The following STARD9 variants were observed in gnomAD, a reference collection of about 807,000 sequenced individuals.
STARD9 encodes stAR-related lipid transfer protein 9.
A neutral mutation model predicts 399.8 loss-of-function variants in STARD9; 346 were observed. That is an observed-to-expected ratio of 0.87 (90% CI 0.79 to 0.95). The LOEUF is 0.95. Ranked by LOEUF, STARD9 falls within the 40% of genes least tolerant of loss-of-function variation. The pLI is 0.00. For missense variants in STARD9, 5,832 were observed against 5,667.5 expected (o/e 1.03, Z -0.93); for synonymous variants, 2,203 against 2,143.5 (o/e 1.03, Z -0.77).
chr15:42,667,075 A>G (rs952344011), intron 15 of STARD9, among the ~76,000 whole-genome samples: 1 of 152,150 alleles, frequency 6.6e-6, no homozygotes, highest in African/African-American at 2.4e-5. Flanking sequence ...TTGGCCTCCC[A>G]AAGTGCTGGG....
At position 42,692,594 on chromosome 15, in the gene STARD9, C is replaced by T. The variant is rs2060736125; in HGVS notation, c.11016C>T (p.Ala3672=). ...GTGCAGTATCAGCCTTTGATCTGGC[C>T]TCATGGACCAGCATGCACAATCTGT... The part of the protein sequence containing the change: ...EASAVSAFDL[A]SWTSMHNLSL... The change falls in exon 23 of 33, where the codon GCC becomes GCT. Residue 3672 remains alanine (A), a synonymous_variant. Transcript: ENST00000290607. 2 of 1,537,226 alleles carry T rather than the reference C, an allele frequency of 1.3e-6. No individual in the cohort carries two copies. Among genetic ancestry groups the T allele is most frequent in the Non-Finnish European group, 1.7e-6 (2 of 1,146,924 alleles).
At chr15:42,589,769 G>C (rs919719120) in intron 3 of STARD9, among the ~76,000 whole-genome samples, 1 of 151,148 alleles carries the variant, frequency 6.6e-6, no homozygotes, top group Non-Finnish European at 1.5e-5. Context: ...ACCATGCCCA[G>C]CTAATTTTTT....
At position 42,694,103 on chromosome 15, in the gene STARD9, A is replaced by G. The variant is rs935791735; in HGVS notation, c.12525A>G (p.Glu4175=). 2.6e-6 allele frequency: 4 copies of G among 1,536,902 alleles called. No homozygotes were observed. In the Admixed American group the frequency reaches 5.9e-5, roughly 23 times the overall value. The change falls in exon 23 of 33, where the codon GAA becomes GAG. Residue 4175 remains glutamate, a synonymous_variant. Coordinates refer to ENST00000290607, the MANE Select transcript of STARD9 (RefSeq NM_020759.3). ...ASGDLSSEKQ[E]QSPPQPPNDH... The stretch of plus-strand genomic sequence containing the variant: ...GTGATCTCAGCTCTGAAAAGCAGGA[A>G]CAGAGTCCCCCACAACCTCCTAATG...
intron 3 of STARD9, among the ~76,000 whole-genome samples, chr15:42,612,407 G>A (rs1316704897): frequency 6.6e-6 from 1 of 152,170 alleles, no homozygotes; most frequent in Non-Finnish European, 1.5e-5. Flanking sequence ...GGAAAGAAGT[G>A]ACATAAAACA....
intron 18 of STARD9, 108 bp downstream of exon 18, chr15:42,675,072 C>A: frequency 8.4e-7 from 1 of 1,186,734 alleles, no homozygotes; most frequent in Non-Finnish European, 1.1e-6. Context: ...GATCACCCAG[C>A]CTCTGCACCC....
Position 42,575,736 on chromosome 15 carries a change from C to T in STARD9, c.21C>T (p.Ala7=), listed in dbSNP as rs186465000. The T allele has an allele frequency of 4.9e-5, 76 of 1,536,636 alleles. No individual in the cohort carries two copies. The highest frequency in any genetic ancestry group is 6.4e-5 in the Non-Finnish European group (73 of 1,146,798). ...GACGGATGGCGAACGTGCAGGTCGC[C>T]GTGCGGGTCCGGCCGCTCAGCAAGA... MANVQV[A]VRVRPLSKRE... Residue 7 remains alanine, a synonymous_variant, in exon 1 of 33, where the codon GCC becomes GCT. Transcript: ENST00000290607.
intron 3 of STARD9, among the ~76,000 whole-genome samples, chr15:42,597,440 T>C (rs1050795290): frequency 6.6e-6 from 1 of 152,146 alleles, no homozygotes; most frequent in Non-Finnish European, 1.5e-5. Flanking sequence ...CGGTCTCAGC[T>C]CACTGCAACC....
At chr15:42,634,023 A>T (rs557010602) in intron 3 of STARD9, among the ~76,000 whole-genome samples, 2 of 151,988 alleles carry the variant, frequency 1.3e-5, no homozygotes, top group Non-Finnish European at 2.9e-5. Context: ...ATAGTAGAGC[A>T]TTGAGCTGTG....
At chr15:42,605,600 C>G (rs927206205) in intron 3 of STARD9, among the ~76,000 whole-genome samples, 1 of 152,322 alleles carries the variant, frequency 6.6e-6, no homozygotes, top group South Asian at 2.1e-4. Context: ...TCTTGCTTCT[C>G]TTCCTAGAAG....
At chr15:42,713,171 CGTAA>C (rs1385512574) in intron 26 of STARD9, among the ~76,000 whole-genome samples, 5 of 152,044 alleles carry the variant, frequency 3.3e-5, no homozygotes, top group Admixed American at 2.0e-4. Context: ...TAAACTTATT[CGTAA>C]GTATTTTATT....
intron 26 of STARD9, among the ~76,000 whole-genome samples, chr15:42,702,577 T>C (rs555742898): frequency 6.6e-6 from 1 of 152,358 alleles, no homozygotes; most frequent in South Asian, 2.1e-4. Flanking sequence ...ATCACAGTTA[T>C]AATATTAGAG....
intron 7 of STARD9, among the ~76,000 whole-genome samples, chr15:42,642,197 A>G (rs556597421): frequency 3.3e-5 from 5 of 152,348 alleles, no homozygotes; most frequent in African/African-American, 1.2e-4. Flanking sequence ...CAAGATGCCT[A>G]TACTATTCCA....
At position 42,682,321 on chromosome 15, in the gene STARD9, G is replaced by A. The variant is rs1173962744; in HGVS notation, c.2283G>A (p.Arg761=). ...LRRHTLRAAE[R]NVRRKKVSFQ... ...GACACACTCTTCGGGCAGCAGAGCGGAATGTCCGGCGGAAAAAGGTCTCAT... is the reference window on the plus strand; with the variant it reads ...GACACACTCTTCGGGCAGCAGAGCGAAATGTCCGGCGGAAAAAGGTCTCAT... The change falls in exon 22 of 33, where the codon CGG becomes CGA. Residue 761 remains arginine (R), a synonymous_variant. Transcript: ENST00000290607. The A allele has an allele frequency of 2.0e-6, 3 of 1,537,148 alleles. No individual in the cohort carries two copies. The highest frequency in any genetic ancestry group is 2.7e-5 in the African/African-American group (2 of 73,056).
At chr15:42,593,564 A>G (rs2058442139) in intron 3 of STARD9, among the ~76,000 whole-genome samples, 2 of 151,544 alleles carry the variant, frequency 1.3e-5, no homozygotes, top group Admixed American at 1.3e-4. Flanking sequence ...AAAAAAAATC[A>G]TGTTGAGTGA....
chr15:42,598,320 C>T (rs534654791), intron 3 of STARD9, among the ~76,000 whole-genome samples: 63 of 151,598 alleles, frequency 4.2e-4, no homozygotes, highest in African/African-American at 1.2e-3. Flanking sequence ...TGTGAGCCAC[C>T]GTGCCCGGCC....
intron 20 of STARD9, among the ~76,000 whole-genome samples, chr15:42,677,436 C>A (rs1406645712): frequency 6.6e-6 from 1 of 152,162 alleles, no homozygotes; most frequent in African/African-American, 2.4e-5. Context: ...AGAGGTGACA[C>A]AAGGTGGACT....
chr15:42,575,798 C>T (rs1288555866), intron 1 of STARD9, 36 bp downstream of exon 1: 1 of 1,534,922 alleles, frequency 6.5e-7, no homozygotes. Flanking sequence ...TGAGGCTTCA[C>T]AGGAGCTGAA....
chr15:42,661,901 T>C (rs2060000692), intron 10 of STARD9, among the ~76,000 whole-genome samples: 1 of 152,216 alleles, frequency 6.6e-6, no homozygotes, highest in South Asian at 2.1e-4. Flanking sequence ...ACCACTGCTC[T>C]CAGTGAAGGT....
chr15:42,698,188 A>G (rs2136899), intron 26 of STARD9, among the ~76,000 whole-genome samples: 36,398 of 152,166 alleles, frequency 0.24, 5,026 homozygotes, highest in African/African-American at 0.37. Context: ...GTTATCAGCA[A>G]TACTACAGTG....
Sources: gnomAD v4.1 joint callset for allele counts (sites outside exome capture counted in the v4.1 genomes callset) on GRCh38, gnomAD v4.1.1 for gene constraint, MANE v1.5 for transcripts, NCBI Gene and HGNC (gene_info 2026-07-23, HGNC 2026-07-21) for gene names.